WWOX: variants seen among roughly 807,000 people sequenced by gnomAD.
WWOX encodes WW domain containing oxidoreductase.
Under a neutral mutation model 46.2 loss-of-function variants are expected in WWOX, and 69 were observed. That is an observed-to-expected ratio of 1.49 (90% CI 1.23 to 1.82). The LOEUF is 1.82. Ranked by LOEUF, WWOX falls within the 40% of genes most tolerant of loss-of-function variation. WWOX has a pLI of 0.00. For missense variants in WWOX, 919 were observed against 542.6 expected (o/e 1.69, Z -6.89); for synonymous variants, 359 against 202.6 (o/e 1.77, Z -6.56).
chr16:78,446,487 C>A (rs540946530), intron 8 of WWOX, among the ~76,000 whole-genome samples: 1 of 152,076 alleles, frequency 6.6e-6, no homozygotes, highest in African/African-American at 2.4e-5. Flanking sequence ...CTGTCACATC[C>A]CAGGAACTCC....
chr16:79,132,017 C>G (rs1184668523), intron 8 of WWOX, among the ~76,000 whole-genome samples: 2 of 152,070 alleles, frequency 1.3e-5, no homozygotes, highest in African/African-American at 2.4e-5. Context: ...ATTCAGTTGT[C>G]TCCCTCCAGG....
intron 8 of WWOX, among the ~76,000 whole-genome samples, chr16:78,950,390 G>A (rs1004527830): frequency 1.3e-5 from 2 of 152,104 alleles, no homozygotes; most frequent in African/African-American, 4.8e-5. Context: ...GCATGCCATT[G>A]TTCTGAGAGG....
chr16:78,563,986 GCTGTGCTA>G (rs369070084), intron 8 of WWOX, among the ~76,000 whole-genome samples: 241 of 152,310 alleles, frequency 1.6e-3, no homozygotes, highest in African/African-American at 5.7e-3. Flanking sequence ...TTGCCCACTT[GCTGTGCTA>G]CGAACCCTTT....
At chr16:78,122,192 C>G (rs1204280129) in intron 4 of WWOX, among the ~76,000 whole-genome samples, 4 of 152,094 alleles carry the variant, frequency 2.6e-5, no homozygotes, top group Non-Finnish European at 4.4e-5. Context: ...GGGTTTGGTA[C>G]TATCCAGTTT....
chr16:78,625,076 C>A (rs1265534391), intron 8 of WWOX, among the ~76,000 whole-genome samples: 1 of 152,186 alleles, frequency 6.6e-6, no homozygotes, highest in Non-Finnish European at 1.5e-5. Flanking sequence ...TTTGTAGCCG[C>A]CACACATGGC....
chr16:78,471,547 T>C (rs755707145), intron 8 of WWOX, among the ~76,000 whole-genome samples: 1 of 152,234 alleles, frequency 6.6e-6, no homozygotes, highest in Non-Finnish European at 1.5e-5. Context: ...CTCAGAACTT[T>C]ACATCCTCCA....
chr16:78,769,372 C>T (rs931429565), intron 8 of WWOX, among the ~76,000 whole-genome samples: 12 of 152,040 alleles, frequency 7.9e-5, no homozygotes, highest in African/African-American at 2.9e-4. Flanking sequence ...CCTCTCTTCC[C>T]CTCCTTCCTT....
chr16:78,147,197 G>A (rs1466458942), intron 4 of WWOX, among the ~76,000 whole-genome samples: 1 of 151,948 alleles, frequency 6.6e-6, no homozygotes, highest in East Asian at 1.9e-4. Flanking sequence ...GCAACTACAA[G>A]GTAAGGATTA....
At chr16:79,092,311 C>G (rs1048704136) in intron 8 of WWOX, among the ~76,000 whole-genome samples, 7 of 152,132 alleles carry the variant, frequency 4.6e-5, no homozygotes, top group African/African-American at 1.4e-4. Flanking sequence ...CCTTTGGGAG[C>G]TAGGAATCAA....
chr16:78,889,959 C>G (rs2044552152), intron 8 of WWOX, among the ~76,000 whole-genome samples: 1 of 152,124 alleles, frequency 6.6e-6, no homozygotes, highest in Admixed American at 6.6e-5. Context: ...CATCTTATGT[C>G]TCTTCTTTCA....
intron 5 of WWOX, among the ~76,000 whole-genome samples, chr16:78,220,768 A>G (rs538238280): frequency 2.0e-4 from 30 of 152,322 alleles, no homozygotes; most frequent in African/African-American, 7.2e-4. Context: ...CTGAGCTAGA[A>G]TGTGATGAGT....
chr16:78,234,022 C>T (rs1487053901), intron 5 of WWOX, among the ~76,000 whole-genome samples: 1 of 152,084 alleles, frequency 6.6e-6, no homozygotes. Context: ...ACATTCTAAG[C>T]CTGGGAATAG....
chr16:78,228,933 A>G (rs2037158454), intron 5 of WWOX, among the ~76,000 whole-genome samples: 1 of 152,170 alleles, frequency 6.6e-6, no homozygotes, highest in Non-Finnish European at 1.5e-5. Flanking sequence ...GCGGAAGGTC[A>G]AATCTAACAG....
intron 8 of WWOX, among the ~76,000 whole-genome samples, chr16:79,162,909 A>T (rs2050515238): frequency 1.3e-5 from 2 of 152,224 alleles, no homozygotes; most frequent in South Asian, 4.1e-4. Flanking sequence ...TCTGTAATTC[A>T]TCTCAGCAAC....
At chr16:78,250,369 G>T (rs2037951957) in intron 5 of WWOX, among the ~76,000 whole-genome samples, 1 of 152,064 alleles carries the variant, frequency 6.6e-6, no homozygotes, top group African/African-American at 2.4e-5. Flanking sequence ...ACCTCCATCT[G>T]CCTTTGTTTT....
intron 3 of WWOX, among the ~76,000 whole-genome samples, chr16:78,113,307 A>G (rs147968147): frequency 4.1e-3 from 619 of 152,322 alleles, no homozygotes; most frequent in Non-Finnish European, 7.2e-3. Flanking sequence ...CGTCTAGAGC[A>G]GGGGCTGTCT....
chr16:78,669,134 C>T (rs1228323873), intron 8 of WWOX, among the ~76,000 whole-genome samples: 2 of 152,056 alleles, frequency 1.3e-5, no homozygotes, highest in African/African-American at 4.8e-5. Context: ...GGCCCCATCT[C>T]CACCACAAGG....
Position 79,075,126 on chromosome 16 carries a change from G to A in WWOX, c.1057-136482G>A, listed in dbSNP as rs183052488. Among the ~76,000 whole-genome samples the A allele has an allele frequency of 1.2e-3, 185 of 152,230 alleles. 1 individual carries two copies. The highest frequency in any genetic ancestry group is 4.3e-3 in the African/African-American group (179 of 41,540). On this transcript the variant is annotated intron_variant, in intron 8 of 8. Transcript: ENST00000566780. ...CTGTTTCTCAAAATATAATTCCTGA[G>A]TCACTTGGAAGATTACAACCAACTG...
chr16:78,114,741 C>T (rs2032685301), intron 3 of WWOX, among the ~76,000 whole-genome samples: 1 of 149,138 alleles, frequency 6.7e-6, no homozygotes, highest in Non-Finnish European at 1.5e-5. Context: ...TTGTATGTTA[C>T]AGCGTATGTT....
Sources: gnomAD v4.1 joint callset for allele counts (sites outside exome capture counted in the v4.1 genomes callset) on GRCh38, gnomAD v4.1.1 for gene constraint, MANE v1.5 for transcripts, NCBI Gene and HGNC (gene_info 2026-07-23, HGNC 2026-07-21) for gene names.